CREBL2: variants seen among roughly 807,000 people sequenced by gnomAD.
CREBL2 encodes the protein cAMP-responsive element-binding protein-like 2.
CREBL2 carries 4 observed loss-of-function variants against 19.5 expected under a neutral mutation model. The ratio of observed to expected loss-of-function variants is 0.20; its 90% confidence interval spans 0.10 to 0.47. CREBL2 has a LOEUF of 0.47. Ranked by LOEUF, CREBL2 falls within the 20% of genes least tolerant of loss-of-function variation. The pLI, the probability that CREBL2 is intolerant of heterozygous loss-of-function variation, is 0.98. For missense variants in CREBL2, 85 were observed against 145.1 expected (o/e 0.59, Z 2.13); for synonymous variants, 42 against 46.6 (o/e 0.90, Z 0.40).
chr12:12,624,512 C>T (rs1945385296), intron 1 of CREBL2, among the ~76,000 whole-genome samples: 1 of 152,214 alleles, frequency 6.6e-6, no homozygotes. Flanking sequence ...CAACTCCTTG[C>T]AGGAGGGAGC....
rs375414105 is a variant in CREBL2, at chr12:12,644,944, G to A, written c.*2946G>A. On this transcript the variant is annotated 3_prime_UTR_variant, in exon 4 of 4. Coordinates refer to ENST00000228865, the MANE Select transcript of CREBL2 (RefSeq NM_001310.4). Reference sequence around the variant, plus strand: ...TAGTTTTAAAAGGAGGAGTCACCTTGAATTATTTTCTGAGTCACCTTGAGT... The same window carrying A: ...TAGTTTTAAAAGGAGGAGTCACCTTAAATTATTTTCTGAGTCACCTTGAGT... 1.6e-4 allele frequency: 24 copies of A among 152,168 alleles called. No homozygotes were observed. The highest frequency in any genetic ancestry group is 1.2e-3 in the East Asian group (6 of 5,202). The allele number at this position is 152,168 out of a possible 1,614,324, so 9.4% of individuals were successfully genotyped here. A position where few individuals can be genotyped will look rare whatever the true frequency, so the allele number is the denominator to read the frequency against.
At chr12:12,641,263 A>ATT (rs761407635) in intron 3 of CREBL2, among the ~76,000 whole-genome samples, 5 of 85,926 alleles carry the variant, frequency 5.8e-5, no homozygotes, top group African/African-American at 8.4e-5. Flanking sequence ...ATTTTTTTTT[A>ATT]TTTTTTTTTT....
At chr12:12,623,423 T>C (rs886710872) in intron 1 of CREBL2, among the ~76,000 whole-genome samples, 5 of 152,172 alleles carry the variant, frequency 3.3e-5, no homozygotes, top group African/African-American at 7.2e-5. Flanking sequence ...AAATGACTTA[T>C]GGACTGAGGG....
Position 12,621,430 on chromosome 12 carries a change from A to G in CREBL2, c.15+9243A>G, listed in dbSNP as rs576702339. On this transcript the variant is annotated intron_variant, in intron 1 of 3. Transcript: ENST00000228865. ...CTACTCGGGAGGCTGAGGCAGGAGAATTGCTTGAACCTGGGAGGCAGAGGC... is the reference window on the plus strand; with the variant it reads ...CTACTCGGGAGGCTGAGGCAGGAGAGTTGCTTGAACCTGGGAGGCAGAGGC... 1.4e-3 allele frequency among the ~76,000 whole-genome samples: 202 copies of G among 148,758 alleles called. 2 individuals are homozygous for G. Among genetic ancestry groups the G allele is most frequent in the Middle Eastern group, 6.8e-3 (2 of 292 alleles).
At chr12:12,641,392 C>T (rs569308665) in intron 3 of CREBL2, among the ~76,000 whole-genome samples, 65 of 151,136 alleles carry the variant, frequency 4.3e-4, no homozygotes, top group Admixed American at 2.0e-4. Flanking sequence ...ACTGCAACCT[C>T]TGCCTCCCAG....
chr12:12,631,903 T>C (rs1304359424), intron 1 of CREBL2, among the ~76,000 whole-genome samples: 1 of 152,140 alleles, frequency 6.6e-6, no homozygotes, highest in Admixed American at 6.6e-5. Context: ...GTGTTATACT[T>C]ACTCTCTTAG....
chr12:12,615,499 CT>C (rs374161922), intron 1 of CREBL2: 137 of 145,180 alleles, frequency 9.4e-4, no homozygotes, highest in Middle Eastern at 3.6e-3. Flanking sequence ...TATCAACCTT[CT>C]TTTTTTTTTT....
intron 1 of CREBL2, 143 bp downstream of exon 1, chr12:12,612,330 A>G (rs1417679259): frequency 6.8e-7 from 1 of 1,464,730 alleles, no homozygotes; most frequent in Non-Finnish European, 9.3e-7. Flanking sequence ...CCACTGCCCG[A>G]TGGTACCCAG....
chr12:12,618,666 A>G (rs141853059), intron 1 of CREBL2, among the ~76,000 whole-genome samples: 7,767 of 152,242 alleles, frequency 0.051, 285 homozygotes, highest in East Asian at 0.16. Flanking sequence ...GCACTTTGGG[A>G]GGCCAAGGCA....
intron 1 of CREBL2, among the ~76,000 whole-genome samples, chr12:12,617,643 C>CTTTTTTTTTTTTTTTTTT (rs66943066): frequency 7.7e-5 from 3 of 38,766 alleles, no homozygotes; most frequent in Non-Finnish European, 1.6e-4. Context: ...TTTAGTAATT[C>CTTTTTTTTTTTTTTTTTT]TTTTTTTTTT....
chr12:12,615,039 A>G (rs1340238734), intron 1 of CREBL2, among the ~76,000 whole-genome samples: 1 of 151,890 alleles, frequency 6.6e-6, no homozygotes, highest in Non-Finnish European at 1.5e-5. Flanking sequence ...TTTTTGAGAC[A>G]GGGTCTTGCT....
intron 1 of CREBL2, among the ~76,000 whole-genome samples, chr12:12,618,908 G>A (rs925431913): frequency 7.2e-5 from 11 of 152,126 alleles, no homozygotes; most frequent in African/African-American, 2.2e-4. Context: ...GCGTGGCGGC[G>A]CACACCTGCA....
intron 1 of CREBL2, among the ~76,000 whole-genome samples, chr12:12,618,863 C>T (rs1162039201): frequency 6.6e-6 from 1 of 152,210 alleles, no homozygotes; most frequent in Non-Finnish European, 1.5e-5. Flanking sequence ...CACAGCGAAA[C>T]CCCGTCTCCA....
chr12:12,634,066 A>T (rs1945458250), intron 1 of CREBL2, among the ~76,000 whole-genome samples: 1 of 152,260 alleles, frequency 6.6e-6, no homozygotes, highest in Non-Finnish European at 1.5e-5. Context: ...AATTTAAAGA[A>T]TAGTGTATAG....
chr12:12,612,295 TA>T (rs1244004645), intron 1 of CREBL2, 108 bp downstream of exon 1: 13 of 1,584,798 alleles, frequency 8.2e-6, no homozygotes, highest in African/African-American at 2.7e-5. Flanking sequence ...GACACCTGCC[TA>T]AAACATCCCT....
chr12:12,643,265 A>C lies in CREBL2; in HGVS notation c.*1267A>C. ...TGCAGCTACACTTACTTTCTCCCTG[A>C]CTACCAAATGGAGTGACGGTTGAAG... On this transcript the variant is annotated 3_prime_UTR_variant, in exon 4 of 4. Transcript: ENST00000228865. The C allele has an allele frequency of 6.6e-6, 1 of 152,596 alleles. No homozygotes were observed. Among genetic ancestry groups the C allele is most frequent in the Non-Finnish European group, 1.5e-5 (1 of 68,064 alleles). The allele number at this position is 152,596 out of a possible 1,614,324, so 9.5% of individuals were successfully genotyped here.
chr12:12,622,691 A>G (rs994353466), intron 1 of CREBL2, among the ~76,000 whole-genome samples: 1 of 152,248 alleles, frequency 6.6e-6, no homozygotes, highest in African/African-American at 2.4e-5. Flanking sequence ...TGGCAAATAT[A>G]AAAAGAGAAG....
At chr12:12,616,364 C>A (rs759778429) in intron 1 of CREBL2, among the ~76,000 whole-genome samples, 2 of 152,136 alleles carry the variant, frequency 1.3e-5, no homozygotes, top group Admixed American at 1.3e-4. Flanking sequence ...GCAAGCTATC[C>A]GTGAATTACT....
At chr12:12,615,579 C>T (rs1945305089) in intron 1 of CREBL2, 1 of 151,942 alleles carries the variant, frequency 6.6e-6, no homozygotes, top group Non-Finnish European at 1.5e-5. Flanking sequence ...CTCACTGCAA[C>T]CTCTGACTCC....
Sources: gnomAD v4.1 joint callset for allele counts (sites outside exome capture counted in the v4.1 genomes callset) on GRCh38, gnomAD v4.1.1 for gene constraint, MANE v1.5 for transcripts, NCBI Gene and HGNC (gene_info 2026-07-23, HGNC 2026-07-21) for gene names.